Variants in DPH6 observed in about 807,000 individuals in gnomAD.
The protein encoded by DPH6 is diphthine--ammonia ligase.
A neutral mutation model predicts 38.2 loss-of-function variants in DPH6; 33 were observed. That is an observed-to-expected ratio of 0.86 (90% CI 0.65 to 1.15). The LOEUF is 1.15. DPH6 is among the 50% of genes most tolerant of loss of function. The pLI is 0.00. For synonymous variants in DPH6, 108 were observed against 103.0 expected, an observed-to-expected ratio of 1.05 and a Z score of -0.30; for missense variants, 325 against 320.0, an observed-to-expected ratio of 1.02 and a Z score of -0.12.
At chr15:35,331,589 T>C (rs910184911) in intron 3 of DPH6, among the ~76,000 whole-genome samples, 3 of 152,210 alleles carry the variant, frequency 2.0e-5, no homozygotes, top group African/African-American at 7.2e-5. Flanking sequence ...ACATTTGAAC[T>C]TGGATGTTGG....
the DPH6 span, among the ~76,000 whole-genome samples, chr15:35,145,116 T>C: frequency 6.7e-6 from 1 of 149,944 alleles, no homozygotes; most frequent in Non-Finnish European, 1.5e-5. Context: ...ATAAGTATTC[T>C]GTTTTTCTGC....
At chr15:35,436,927 A>C (rs2053724218) in intron 5 of DPH6, among the ~76,000 whole-genome samples, 1 of 147,580 alleles carries the variant, frequency 6.8e-6, no homozygotes, top group African/African-American at 2.5e-5. Flanking sequence ...TAAGGAGTCC[A>C]TGCAACCCCC....
At chr15:35,486,449 C>T (rs992884213) in intron 3 of DPH6, among the ~76,000 whole-genome samples, 3 of 152,072 alleles carry the variant, frequency 2.0e-5, no homozygotes, top group Non-Finnish European at 4.4e-5. Flanking sequence ...TGGCAGAAGG[C>T]AAAGGGGAAG....
chr15:35,208,953 A>T, the DPH6 span, among the ~76,000 whole-genome samples: 9 of 152,304 alleles, frequency 5.9e-5, 1 homozygote, highest in East Asian at 5.8e-4. Context: ...TTTAAATCAG[A>T]AACAAGGTAT....
chr15:35,468,683 G>GA (rs144759781), intron 3 of DPH6, among the ~76,000 whole-genome samples: 14,880 of 151,876 alleles, frequency 0.098, 1,100 homozygotes, highest in African/African-American at 0.21. Flanking sequence ...GCACGTAACA[G>GA]AAAAAACAAG....
chr15:35,164,499 T>C, the DPH6 span, among the ~76,000 whole-genome samples: 8 of 151,874 alleles, frequency 5.3e-5, no homozygotes, highest in Non-Finnish European at 1.2e-4. Context: ...GTATCAGCAG[T>C]GAATTTTTCT....
At chr15:35,483,708 T>C (rs2054359384) in intron 3 of DPH6, among the ~76,000 whole-genome samples, 1 of 152,144 alleles carries the variant, frequency 6.6e-6, no homozygotes, top group Non-Finnish European at 1.5e-5. Context: ...TCATGAGAAA[T>C]GAAAACACAT....
chr15:35,343,432 C>G (rs766848466), intron 3 of DPH6, among the ~76,000 whole-genome samples: 4 of 151,960 alleles, frequency 2.6e-5, no homozygotes, highest in Admixed American at 6.6e-5. Context: ...TAAATAATCA[C>G]CCTAATGTAT....
At chr15:35,389,229 T>C (rs1417707163) in intron 6 of DPH6, among the ~76,000 whole-genome samples, 2 of 152,150 alleles carry the variant, frequency 1.3e-5, no homozygotes, top group Admixed American at 1.3e-4. Context: ...TTTCTGTTCT[T>C]TTACATTTGC....
At chr15:35,175,732 C>T in the DPH6 span, among the ~76,000 whole-genome samples, 1 of 152,034 alleles carries the variant, frequency 6.6e-6, no homozygotes, top group Non-Finnish European at 1.5e-5. Flanking sequence ...TAGCACTTAA[C>T]AGAAGCATTG....
At chr15:35,291,506 C>T (rs1220199332) in intron 3 of DPH6, among the ~76,000 whole-genome samples, 1 of 152,052 alleles carries the variant, frequency 6.6e-6, no homozygotes, top group Admixed American at 6.5e-5. Context: ...ACACTCTTGT[C>T]TTTATGGAGG....
At chr15:35,168,814 A>T in the DPH6 span, among the ~76,000 whole-genome samples, 3 of 152,134 alleles carry the variant, frequency 2.0e-5, no homozygotes, top group Non-Finnish European at 2.9e-5. Flanking sequence ...CTAGTAGAAC[A>T]ACAATCAGAT....
chr15:35,182,220 A>ATTTTTTT, the DPH6 span, among the ~76,000 whole-genome samples: 7 of 86,040 alleles, frequency 8.1e-5, no homozygotes, highest in African/African-American at 1.6e-4. Flanking sequence ...AACTCTAAGA[A>ATTTTTTT]TTTTTTTTTT....
At chr15:35,254,625 T>C (rs1017451102) in intron 3 of DPH6, among the ~76,000 whole-genome samples, 1 of 152,184 alleles carries the variant, frequency 6.6e-6, no homozygotes, top group African/African-American at 2.4e-5. Context: ...TTTGGAAGCA[T>C]CACTGGTCCA....
the DPH6 span, among the ~76,000 whole-genome samples, chr15:35,156,012 T>C: frequency 3.3e-5 from 5 of 152,210 alleles, no homozygotes; most frequent in Non-Finnish European, 7.3e-5. Flanking sequence ...ACATTTTATA[T>C]TCTTTCACCT....
At chr15:35,306,113 T>C (rs1316323977) in intron 3 of DPH6, among the ~76,000 whole-genome samples, 1 of 152,216 alleles carries the variant, frequency 6.6e-6, no homozygotes, top group East Asian at 1.9e-4. Flanking sequence ...GGTGCTCTGG[T>C]ATTTTTCCCT....
chr15:35,403,489 C>T lies in DPH6; in HGVS notation c.567+7346G>A, dbSNP rs72703184. On this transcript the variant is annotated intron_variant, in intron 6 of 8. Transcript: ENST00000256538. ...ATAGGCCCCCTGTTGTGCTATCAAACACTAGGTCTTATTCATCCTTTCTTT... is the reference window on the plus strand; with the variant it reads ...ATAGGCCCCCTGTTGTGCTATCAAATACTAGGTCTTATTCATCCTTTCTTT... Among the ~76,000 whole-genome samples the T allele has an allele frequency of 6.1e-3, 932 of 151,972 alleles. 5 individuals carry two copies. The highest frequency in any genetic ancestry group is 8.7e-3 in the Non-Finnish European group (590 of 67,924).
chr15:35,514,087 T>C (rs2141222085), intron 3 of DPH6, among the ~76,000 whole-genome samples: 1 of 152,150 alleles, frequency 6.6e-6, no homozygotes, highest in South Asian at 2.1e-4. Context: ...CTAATAGCTG[T>C]GATTTGCATA....
At chr15:35,320,647 T>C (rs12593484) in intron 3 of DPH6, among the ~76,000 whole-genome samples, 4,449 of 152,272 alleles carry the variant, frequency 0.029, 223 homozygotes, top group African/African-American at 0.1. Context: ...ATTTTCATGG[T>C]TCCTTTCGTT....
Sources: allele counts gnomAD v4.1 joint callset (sites outside exome capture counted in the v4.1 genomes callset), GRCh38; gene constraint gnomAD v4.1.1; transcripts MANE v1.5; gene names NCBI Gene and HGNC (gene_info 2026-07-23, HGNC 2026-07-21).